The following RARB variants were observed in gnomAD, a reference collection of about 807,000 sequenced individuals.
The protein encoded by RARB is HBV-activated protein.
Under a neutral mutation model 51.9 loss-of-function variants are expected in RARB, and 17 were observed. The ratio of observed to expected loss-of-function variants is 0.33; its 90% CI spans 0.22 to 0.49. The LOEUF (loss-of-function observed/expected upper bound fraction) is 0.49, where lower values mean the gene tolerates loss of function less well. RARB is among the 20% of genes least tolerant of loss of function. The pLI, the probability that RARB is intolerant of heterozygous loss-of-function variation, is 0.99. For missense variants in RARB, 369 were observed against 550.8 expected (o/e 0.67, Z 3.30); for synonymous variants, 215 against 195.4 (o/e 1.10, Z -0.84).
At chr3:25,557,782 C>A (rs1700121249) in intron 3 of RARB, among the ~76,000 whole-genome samples, 1 of 152,072 alleles carries the variant, frequency 6.6e-6, no homozygotes, top group African/African-American at 2.4e-5. Flanking sequence ...AACTTAAAAG[C>A]CAAGTCTCCT....
chr3:24,950,812 T>C (rs1172964378), intron 2 of RARB, among the ~76,000 whole-genome samples: 4 of 151,884 alleles, frequency 2.6e-5, no homozygotes, highest in African/African-American at 7.3e-5. Context: ...TAAAGCATAA[T>C]GTAGTGCAGT....
intron 5 of RARB, among the ~76,000 whole-genome samples, chr3:25,189,126 A>C (rs1701041416): frequency 6.6e-6 from 1 of 152,142 alleles, no homozygotes; most frequent in Admixed American, 6.6e-5. Flanking sequence ...CTTTATAATA[A>C]ATATGATTCT....
At chr3:25,121,083 T>A (rs933383904) in intron 3 of RARB, among the ~76,000 whole-genome samples, 2 of 152,108 alleles carry the variant, frequency 1.3e-5, no homozygotes, top group Admixed American at 6.6e-5. Context: ...CACATGCATG[T>A]GTATAAAGTG....
chr3:25,588,544 G>A (rs1336757440), intron 5 of RARB, among the ~76,000 whole-genome samples: 1 of 152,162 alleles, frequency 6.6e-6, no homozygotes, highest in African/African-American at 2.4e-5. Context: ...ACAAAACTTA[G>A]CAGCTTAAAA....
chr3:25,500,454 GTTTTTTTTTTTTT>G (rs753321842), intron 2 of RARB, among the ~76,000 whole-genome samples: 7,240 of 66,232 alleles, frequency 0.11, 244 homozygotes, highest in Middle Eastern at 0.17. Context: ...TTCTTTTCTT[GTTTTTTTTTTTTT>G]TTTTTTTTTT....
Position 25,439,947 on chromosome 3 carries a change from A to G in RARB, c.157+11059A>G, listed in dbSNP as rs184441593. Among the ~76,000 whole-genome samples, 61 of 152,202 alleles carry G rather than the reference A, an allele frequency of 4.0e-4. No individual in the cohort carries two copies. In the East Asian group the frequency reaches 8.1e-3, roughly 20 times the overall value. Reference sequence around the variant, plus strand: ...TGGTACCCTGCAGTGTGATACAGTGAGGTTGGGTAGACATTCTTCGTGCAC... The same window carrying G: ...TGGTACCCTGCAGTGTGATACAGTGGGGTTGGGTAGACATTCTTCGTGCAC... On this transcript the variant is annotated intron_variant, in intron 1 of 7. Coordinates refer to ENST00000330688, the MANE Select transcript of RARB (RefSeq NM_000965.5).
intron 3 of RARB, among the ~76,000 whole-genome samples, chr3:25,125,983 G>T (rs1699853490): frequency 6.6e-6 from 1 of 152,100 alleles, no homozygotes; most frequent in Admixed American, 6.5e-5. Context: ...TCACAGTGAG[G>T]TTCCCCTGAA....
intron 2 of RARB, among the ~76,000 whole-genome samples, chr3:24,881,848 T>A (rs2125357279): frequency 6.6e-6 from 1 of 152,286 alleles, no homozygotes; most frequent in Admixed American, 6.5e-5. Flanking sequence ...TTGAACTGTT[T>A]GATTTGAGGA....
chr3:24,839,401 T>G (rs1338934672), intron 1 of RARB, among the ~76,000 whole-genome samples: 1 of 151,790 alleles, frequency 6.6e-6, no homozygotes, highest in African/African-American at 2.4e-5. Context: ...ATCCACTGAA[T>G]TTGAAAAAAA....
chr3:24,829,780 T>G (rs1702255412), intron 1 of RARB, among the ~76,000 whole-genome samples: 1 of 152,196 alleles, frequency 6.6e-6, no homozygotes, highest in Non-Finnish European at 1.5e-5. Flanking sequence ...CGCTGGCAAG[T>G]TGCACCTGCC....
intron 5 of RARB, among the ~76,000 whole-genome samples, chr3:25,230,437 G>T (rs1273917379): frequency 6.6e-6 from 1 of 151,940 alleles, no homozygotes; most frequent in Non-Finnish European, 1.5e-5. Context: ...ATGACATGAA[G>T]AAACAAGCAT....
At chr3:25,194,930 G>A (rs1034115728) in intron 5 of RARB, among the ~76,000 whole-genome samples, 25 of 151,910 alleles carry the variant, frequency 1.6e-4, no homozygotes, top group Middle Eastern at 3.4e-3. Context: ...GAAAGAGTAT[G>A]GTGGAAAAGG....
At chr3:25,452,063 T>A (rs1709217918) in intron 1 of RARB, among the ~76,000 whole-genome samples, 1 of 152,208 alleles carries the variant, frequency 6.6e-6, no homozygotes, top group African/African-American at 2.4e-5. Context: ...GTTCTAGCAT[T>A]TGTTCACTTA....
intron 2 of RARB, among the ~76,000 whole-genome samples, chr3:25,044,066 T>G (rs1223345824): frequency 6.6e-6 from 1 of 152,118 alleles, no homozygotes; most frequent in African/African-American, 2.4e-5. Context: ...TGATACTACC[T>G]TCAAAGTAAA....
chr3:25,280,691 ATTC>A (rs1305766276), intron 5 of RARB, among the ~76,000 whole-genome samples: 1 of 152,210 alleles, frequency 6.6e-6, no homozygotes, highest in Non-Finnish European at 1.5e-5. Context: ...CAGGTCCCTC[ATTC>A]TTTGAAAAGT....
chr3:25,283,207 G>T (rs1177737324), intron 5 of RARB, among the ~76,000 whole-genome samples: 1 of 152,128 alleles, frequency 6.6e-6, no homozygotes, highest in East Asian at 1.9e-4. Context: ...AAAAGTTTAA[G>T]TCCTTGGGAA....
chr3:25,596,382 C>T (rs775239412), intron 7 of RARB, 38 bp from the exon 8 acceptor site: 2 of 1,526,908 alleles, frequency 1.3e-6, no homozygotes, highest in Admixed American at 3.4e-5. Flanking sequence ...AGCTTAACTC[C>T]TTATCTTAAC....
chr3:25,140,290 T>C, intron 4 of RARB, among the ~76,000 whole-genome samples: 1 of 152,226 alleles, frequency 6.6e-6, no homozygotes, highest in Admixed American at 6.5e-5. Context: ...CCAGATGTCA[T>C]TAACAACATT....
At chr3:24,929,741 G>C (rs181985638) in intron 2 of RARB, among the ~76,000 whole-genome samples, 1 of 152,184 alleles carries the variant, frequency 6.6e-6, no homozygotes, top group Non-Finnish European at 1.5e-5. Context: ...AGCACTTCTA[G>C]AGGGAGCAGA....
Sources: gnomAD v4.1 joint callset for allele counts (sites outside exome capture counted in the v4.1 genomes callset) on GRCh38, gnomAD v4.1.1 for gene constraint, MANE v1.5 for transcripts, NCBI Gene and HGNC (gene_info 2026-07-23, HGNC 2026-07-21) for gene names.